The following TOR1AIP1 variants were observed in gnomAD, a reference collection of about 807,000 sequenced individuals.
The protein encoded by TOR1AIP1 is torsin 1A interacting protein 1.
TOR1AIP1 carries 54 observed loss-of-function variants against 63.3 expected under a neutral mutation model. The ratio of observed to expected loss-of-function variants is 0.85; its 90% confidence interval spans 0.69 to 1.07. The LOEUF (loss-of-function observed/expected upper bound fraction) is 1.07. Among genes scored for constraint, TOR1AIP1 ranks in the 50% least tolerant of loss-of-function variants. The probability of loss-of-function intolerance (pLI) is 0.00; values close to 1 mark genes in which losing one functional copy is unlikely to be tolerated. For missense variants in TOR1AIP1, 736 were observed against 715.0 expected (o/e 1.03, Z -0.33); for synonymous variants, 294 against 273.5 (o/e 1.07, Z -0.74).
chr1:179,904,919 C>A (rs115890959), intron 6 of TOR1AIP1, among the ~76,000 whole-genome samples: 3,162 of 152,248 alleles, frequency 0.021, 128 homozygotes, highest in African/African-American at 0.072. Flanking sequence ...ACCATTGCGC[C>A]CAGCCACCTT....
At chr1:179,917,143 C>T (rs1649046315) in intron 9 of TOR1AIP1, among the ~76,000 whole-genome samples, 1 of 152,124 alleles carries the variant, frequency 6.6e-6, no homozygotes, top group Non-Finnish European at 1.5e-5. Flanking sequence ...AATAACTTCG[C>T]TTTATAAACT....
At position 179,917,977 on chromosome 1, in the gene TOR1AIP1, AC is replaced by A; in HGVS notation, c.1492del (p.His498MetfsTer9). 6.2e-7 allele frequency: 1 copy of A among 1,614,252 alleles called. No homozygotes were observed. Among genetic ancestry groups the A allele is most frequent in the East Asian group, 2.2e-5 (1 of 44,888 alleles). On this transcript the variant is annotated frameshift_variant, in exon 10 of 10. Transcript: ENST00000606911. LOFTEE classifies it high-confidence loss of function. Reference sequence around the variant, plus strand: ...ACTTTGATCTTCTACAAATATTGTGACCATGAAAACGCGGCCTTCAAAGATG... The same window carrying A: ...ACTTTGATCTTCTACAAATATTGTGACATGAAAACGCGGCCTTCAAAGATG... Reference protein sequence around the residue: ...GSTLIFYKYCDHENAAFKDVA... With the variant: ...GSTLIFYKYCXHENAAFKDVA...
intron 2 of TOR1AIP1, 70 bp downstream of exon 2, chr1:179,884,839 T>C (rs945201292): frequency 2.5e-6 from 3 of 1,194,198 alleles, no homozygotes; most frequent in African/African-American, 1.5e-5. Flanking sequence ...AATTAAACAA[T>C]GTAAGTATGT....
chr1:179,888,806 G>A (rs577911171), intron 2 of TOR1AIP1, among the ~76,000 whole-genome samples: 15 of 152,122 alleles, frequency 9.9e-5, no homozygotes, highest in African/African-American at 3.6e-4. Flanking sequence ...AACTATAGAT[G>A]GTCTAAAATA....
intron 1 of TOR1AIP1, 25 bp from the exon 2 acceptor site, chr1:179,884,667 A>T: frequency 1.3e-6 from 2 of 1,580,712 alleles, no homozygotes; most frequent in Non-Finnish European, 1.7e-6. Flanking sequence ...TCTGAATTTT[A>T]ACTCTTGTTA....
chr1:179,913,278 A>T (rs1198165638), intron 8 of TOR1AIP1, among the ~76,000 whole-genome samples: 1 of 151,998 alleles, frequency 6.6e-6, no homozygotes, highest in Non-Finnish European at 1.5e-5. Context: ...TTATTTTCTA[A>T]ATAGATTTAG....
At chr1:179,906,739 C>T (rs1313965963) in intron 6 of TOR1AIP1, among the ~76,000 whole-genome samples, 1 of 139,138 alleles carries the variant, frequency 7.2e-6, no homozygotes, top group African/African-American at 2.7e-5. Context: ...GGTTCCCCCC[C>T]CCCCTTTTTT....
intron 2 of TOR1AIP1, among the ~76,000 whole-genome samples, chr1:179,888,248 T>TA (rs1044158145): frequency 6.6e-6 from 1 of 152,204 alleles, no homozygotes; most frequent in African/African-American, 2.4e-5. Flanking sequence ...TAACAGGAAC[T>TA]AAAATTTGCC....
intron 8 of TOR1AIP1, among the ~76,000 whole-genome samples, chr1:179,911,417 A>G (rs1225632120): frequency 6.6e-6 from 1 of 152,236 alleles, no homozygotes; most frequent in Non-Finnish European, 1.5e-5. Context: ...CCCATGGAAC[A>G]TTGTCACCCG....
chr1:179,918,073 A>G lies in TOR1AIP1; in HGVS notation c.1586A>G (p.Glu529Gly). Residue 529 changes from glutamate to glycine, a missense_variant, in exon 10 of 10, where the codon GAA (glutamate) becomes GGA (glycine). Physicochemically the swap from Glu to Gly is moderately conservative, Grantham distance 98. Coordinates refer to ENST00000606911, the MANE Select transcript of TOR1AIP1 (RefSeq NM_015602.4). ...ACAAGTCTAGGCCTAAAGGAAGTTG[A>G]AGAAAAAGTAAGAGATTTTCTTAAA... ...LGTSLGLKEV[E>G]EKVRDFLKVK... is the part of the protein sequence containing the mutation. 6.2e-7 allele frequency: 1 copy of G among 1,614,248 alleles called. No homozygotes were observed. Among genetic ancestry groups the G allele is most frequent in the Non-Finnish European group, 8.5e-7 (1 of 1,180,046 alleles).
chr1:179,883,012 GC>G, intron 1 of TOR1AIP1, 35 bp downstream of exon 1: 1 of 1,576,826 alleles, frequency 6.3e-7, no homozygotes, highest in Non-Finnish European at 8.6e-7. Flanking sequence ...CCAGCCGCGA[GC>G]CAGGGAACGC....
At chr1:179,893,770 G>A (rs938969940) in intron 3 of TOR1AIP1, among the ~76,000 whole-genome samples, 2 of 152,102 alleles carry the variant, frequency 1.3e-5, no homozygotes, top group Admixed American at 6.5e-5. Context: ...TGTACCAGGG[G>A]TTAGCAAGCT....
intron 1 of TOR1AIP1, 70 bp downstream of exon 1, chr1:179,883,047 T>A (rs1558037358): frequency 7.2e-7 from 1 of 1,392,454 alleles, no homozygotes; most frequent in Admixed American, 2.0e-5. Flanking sequence ...CGCGCCTCGG[T>A]GGAGCTCATG....
At chr1:179,890,766 T>C (rs1648051699) in intron 3 of TOR1AIP1, among the ~76,000 whole-genome samples, 1 of 152,134 alleles carries the variant, frequency 6.6e-6, no homozygotes, top group Non-Finnish European at 1.5e-5. Flanking sequence ...ACTACAGTCA[T>C]GCATCACCAT....
intron 3 of TOR1AIP1, among the ~76,000 whole-genome samples, chr1:179,897,840 G>C (rs1327568791): frequency 6.6e-6 from 1 of 152,154 alleles, no homozygotes; most frequent in East Asian, 1.9e-4. Context: ...GCTCATACCT[G>C]TAATGCCAGC....
At chr1:179,907,903 ATTCT>A in intron 7 of TOR1AIP1, 39 bp downstream of exon 7, 1 of 1,044,562 alleles carries the variant, frequency 9.6e-7, no homozygotes, top group Non-Finnish European at 1.4e-6. Context: ...CAGCCAATCA[ATTCT>A]TTTCTCTTTT....
At chr1:179,905,819 G>GATA (rs1486831606) in intron 6 of TOR1AIP1, among the ~76,000 whole-genome samples, 1 of 152,156 alleles carries the variant, frequency 6.6e-6, no homozygotes, top group Admixed American at 6.5e-5. Flanking sequence ...CACGTATGGT[G>GATA]ATAGGTGCCT....
At chr1:179,907,913 CTTTTTT>C (rs34218138) in intron 7 of TOR1AIP1, 49 bp downstream of exon 7, 66 of 355,986 alleles carry the variant, frequency 1.9e-4, no homozygotes, top group East Asian at 2.9e-4. Context: ...ATTCTTTTCT[CTTTTTT>C]TTTTTTTTTT....
chr1:179,901,279 G>A (rs1009969092), intron 4 of TOR1AIP1, 23 bp from the exon 5 acceptor site: 11 of 1,514,266 alleles, frequency 7.3e-6, no homozygotes, highest in Admixed American at 1.8e-5. Flanking sequence ...GACTATATTA[G>A]TATATTGTTT....
Sources: gnomAD v4.1 joint callset for allele counts (sites outside exome capture counted in the v4.1 genomes callset) on GRCh38, gnomAD v4.1.1 for gene constraint, MANE v1.5 for transcripts, NCBI Gene and HGNC (gene_info 2026-07-23, HGNC 2026-07-21) for gene names.